The following SPATA25 variants were observed in gnomAD, a reference collection of about 807,000 sequenced individuals.
SPATA25 encodes spermatogenesis-associated protein 25.
A neutral mutation model predicts 16.0 loss-of-function variants in SPATA25; 16 were observed. The observed-to-expected ratio is 1.00, with a 90% confidence interval of 0.68 to 1.52. The LOEUF (loss-of-function observed/expected upper bound fraction) is 1.52. Among genes scored for constraint, SPATA25 ranks in the 40% most tolerant of loss-of-function variants. The probability of loss-of-function intolerance (pLI) is 0.00; values close to 1 mark genes in which losing one functional copy is unlikely to be tolerated. For missense variants in SPATA25, 285 were observed against 289.2 expected (o/e 0.99, Z 0.11); for synonymous variants, 115 against 118.5 (o/e 0.97, Z 0.19).
rs749980827 is a variant in SPATA25 at position 45,887,197 on chromosome 20, G to A, written c.56-52C>T. The stretch of plus-strand genomic sequence containing the variant: ...GTTATTCTCAGTTCTTTGAGGAGGG[G>A]GCCCTGAGGGGCAGGGCATGGGAGC... On this transcript the variant is annotated intron_variant, in intron 1 of 1. Coordinates refer to ENST00000372519, the MANE Select transcript of SPATA25 (RefSeq NM_080608.4). 323 of 1,531,926 alleles carry A rather than the reference G, an allele frequency of 2.1e-4. 1 individual carries two copies. Among genetic ancestry groups the A allele is most frequent in the Middle Eastern group, 2.4e-4 (1 of 4,178 alleles). 94.9% of individuals were successfully genotyped at this position (1,531,926 alleles called of 1,614,324 possible). A position where few individuals can be genotyped will look rare whatever the true frequency, so the allele number is the denominator to read the frequency against.
chr20:45,886,851 C>A lies in SPATA25; in HGVS notation c.350G>T (p.Gly117Val), dbSNP rs757410035. Residue 117 changes from glycine (G) to valine (V), a missense_variant, in exon 2 of 2, where the codon GGT becomes GTT. Physicochemically the swap from Gly to Val is moderately radical, Grantham distance 109 (BLOSUM62 -3). Coordinates refer to ENST00000372519, the MANE Select transcript of SPATA25 (RefSeq NM_080608.4). ...GYSRSRAPDLGGPSRPRPLML... is the reference protein window; with the variant it reads ...GYSRSRAPDLVGPSRPRPLML... ...CAGGGGCCTAGGCCTGCTGGGGCCA[C>A]CCAGGTCAGGGGCTCTGCTTCTGGA... 2.3e-5 allele frequency: 37 copies of A among 1,613,986 alleles called. No homozygotes were observed. Among genetic ancestry groups the A allele is most frequent in the Non-Finnish European group, 3.1e-5 (36 of 1,180,044 alleles).
chr20:45,890,857 G>A (rs780709960), upstream of SPATA25: 1 of 1,569,922 alleles, frequency 6.4e-7, no homozygotes, highest in Non-Finnish European at 8.6e-7. Flanking sequence ...AGCTCTCCAC[G>A]CGTGTGGCCC....
chr20:45,887,195 G>A, intron 1 of SPATA25, 50 bp from the exon 2 acceptor site: 1 of 1,532,084 alleles, frequency 6.5e-7, no homozygotes, highest in Non-Finnish European at 8.7e-7. Flanking sequence ...CTTTGAGGAG[G>A]GGGCCCTGAG....
At chr20:45,888,652 C>A, upstream of SPATA25, 1 of 1,024,980 alleles carries the variant, frequency 9.8e-7, no homozygotes. Flanking sequence ...TCAGCATCGG[C>A]TGTTTATTTC....
intron 1 of SPATA25, 63 bp from the exon 2 acceptor site, chr20:45,887,208 G>A (rs1232528153): frequency 7.2e-6 from 11 of 1,523,740 alleles, no homozygotes; most frequent in East Asian, 2.3e-5. Context: ...GCCCTGAGGG[G>A]CAGGGCATGG....
upstream of SPATA25, chr20:45,890,281 C>T (rs1427044963): frequency 1.9e-6 from 3 of 1,613,754 alleles, no homozygotes; most frequent in Admixed American, 3.3e-5. Flanking sequence ...GGCGCACGCT[C>T]TTTGTGGAAG....
chr20:45,886,615 C>T lies in SPATA25; in HGVS notation c.586G>A (p.Glu196Lys), dbSNP rs765238138. 4 of 1,613,922 alleles carry T rather than the reference C, an allele frequency of 2.5e-6. No individual in the cohort carries two copies. The Admixed American group carries it at 5.0e-5, about 20-fold the overall frequency. Residue 196 changes from glutamate (E) to lysine (K), a missense_variant, in exon 2 of 2, where the codon GAG (glutamate) becomes AAG (lysine). By Grantham distance (56) the Glu-to-Lys change is moderately conservative. Coordinates refer to ENST00000372519, the MANE Select transcript of SPATA25 (RefSeq NM_080608.4). Reference protein sequence around the residue: ...MAHPEPEGAVEGARWEQAHAH... With the variant: ...MAHPEPEGAVKGARWEQAHAH... ...TGTGCCTGCTCCCACCGCGCCCCCTCCACAGCACCCTCTGGCTCCGGATGG... is the reference window on the plus strand; with the variant it reads ...TGTGCCTGCTCCCACCGCGCCCCCTTCACAGCACCCTCTGGCTCCGGATGG...
At chr20:45,888,330 G>T (rs1986558996), upstream of SPATA25, among the ~76,000 whole-genome samples, 1 of 152,136 alleles carries the variant, frequency 6.6e-6, no homozygotes, top group Admixed American at 6.6e-5. Context: ...TTCCTCAAGT[G>T]ATTATAATAT....
upstream of SPATA25, among the ~76,000 whole-genome samples, chr20:45,889,403 A>T (rs1986633056): frequency 6.6e-6 from 1 of 151,184 alleles, no homozygotes; most frequent in South Asian, 2.1e-4. Context: ...TCTGTCACCC[A>T]GGCTGAAGTG....
At chr20:45,890,203 C>T, upstream of SPATA25, 1 of 1,611,378 alleles carries the variant, frequency 6.2e-7, no homozygotes, top group Non-Finnish European at 8.5e-7. Flanking sequence ...TAGTAGATTC[C>T]AGTCCCCACA....
upstream of SPATA25, chr20:45,890,308 C>G (rs752391348): frequency 3.3e-5 from 54 of 1,613,358 alleles, no homozygotes; most frequent in Non-Finnish European, 4.0e-5. Flanking sequence ...CGTCCACCAC[C>G]GCGTAGAGGG....
At position 45,886,899 on chromosome 20, in the gene SPATA25, C is replaced by G; in HGVS notation, c.302G>C (p.Ser101Thr). The G allele has an allele frequency of 6.2e-7, 1 of 1,614,204 alleles. No individual in the cohort carries two copies. Among genetic ancestry groups the G allele is most frequent in the Non-Finnish European group, 8.5e-7 (1 of 1,180,044 alleles). Residue 101 changes from serine to threonine, a missense_variant, in exon 2 of 2, where the codon AGC becomes ACC. Physicochemically the swap from Ser to Thr is moderately conservative, Grantham distance 58 (BLOSUM62 1). Coordinates refer to ENST00000372519, the MANE Select transcript of SPATA25 (RefSeq NM_080608.4). ...HKFPHVRQLE[S>T]LGWDNGYSRS... is the part of the protein sequence containing the mutation. ...GGAGTAGCCATTGTCCCAGCCCAAG[C>G]TCTCCAGCTGCCTCACATGCGGGAA...
chr20:45,886,559 T>C lies in SPATA25; in HGVS notation c.642A>G (p.Leu214=). ...HAHTASGKMP[L]VRSKRGQPPG... ...GAGGCTGGCCCCTTTTAGATCTCAC[T>C]AGGGGCATCTTCCCAGAGGCTGTGT... Residue 214 remains leucine (L), a synonymous_variant, in exon 2 of 2, where the codon CTA becomes CTG. Coordinates refer to ENST00000372519, the MANE Select transcript of SPATA25 (RefSeq NM_080608.4). The C allele has an allele frequency of 6.2e-7, 1 of 1,606,084 alleles. No homozygotes were observed. The highest frequency in any genetic ancestry group is 8.5e-7 in the Non-Finnish European group (1 of 1,174,548).
At chr20:45,890,059 G>T, upstream of SPATA25, 1 of 618,742 alleles carries the variant, frequency 1.6e-6, no homozygotes, top group Non-Finnish European at 2.8e-6. Flanking sequence ...AATCAACCAA[G>T]ATAGGTACCA....
chr20:45,887,478 A>G, intron 1 of SPATA25, 58 bp downstream of exon 1: 2 of 1,555,944 alleles, frequency 1.3e-6, no homozygotes, highest in Non-Finnish European at 1.8e-6. Flanking sequence ...AGAGCCAGAA[A>G]GCAACTTCTC....
rs1429425179 is a variant in SPATA25, at chr20:45,887,108, A to C, written c.93T>G (p.Cys31Trp). 1 of 1,601,602 alleles carries C rather than the reference A, an allele frequency of 6.2e-7. No individual in the cohort carries two copies. Among genetic ancestry groups the C allele is most frequent in the Non-Finnish European group, 8.5e-7 (1 of 1,178,570 alleles). The change falls in exon 2 of 2, where the codon TGT (cysteine) becomes TGG (tryptophan). Residue 31 changes from cysteine (C) to tryptophan (W), a missense_variant. Cys to Trp is a radical substitution (Grantham distance 215, BLOSUM62 -2). Transcript: ENST00000372519. ...AASPGLSLGL[C>W]SPVEPVVVAS... ...CCACCACCACTGGCTCTACAGGACT[A>C]CAGAGGCCAAGGGACAAGCCTGGAG...
Position 45,886,764 on chromosome 20 carries a change from G to T in SPATA25, c.437C>A (p.Ala146Asp). Residue 146 changes from alanine (A) to aspartate (D), a missense_variant, in exon 2 of 2, where the codon GCC becomes GAC. Transcript: ENST00000372519. The part of the protein sequence containing the change: ...PVPSEAVGKE[A>D]SSQPDICILT... ...GATGCAGATATCAGGCTGGGAGCTG[G>T]CCTCCTTCCCCACTGCCTCAGAGGG... is the stretch of plus-strand genomic sequence containing the variant. 1.2e-6 allele frequency: 2 copies of T among 1,614,004 alleles called. No individual in the cohort carries two copies. Among genetic ancestry groups the T allele is most frequent in the Non-Finnish European group, 1.7e-6 (2 of 1,180,028 alleles).
chr20:45,888,534 G>T (rs939061018), upstream of SPATA25: 3 of 537,840 alleles, frequency 5.6e-6, no homozygotes, highest in African/African-American at 5.7e-5. Context: ...CAAGCAGCCA[G>T]CCTAGGGACC....
upstream of SPATA25, chr20:45,890,912 T>G (rs1457251810): frequency 6.5e-7 from 1 of 1,545,614 alleles, no homozygotes; most frequent in African/African-American, 1.4e-5. Flanking sequence ...GTGCACCCGA[T>G]GGAAGCGGGT....
Sources: gnomAD v4.1 joint callset for allele counts (sites outside exome capture counted in the v4.1 genomes callset) on GRCh38, gnomAD v4.1.1 for gene constraint, MANE v1.5 for transcripts, NCBI Gene and HGNC (gene_info 2026-07-23, HGNC 2026-07-21) for gene names.